The following ITGA2B variants were observed in gnomAD, a reference collection of about 807,000 sequenced individuals.
ITGA2B encodes integrin subunit alpha 2b, also known as integrin alpha-IIb.
Under a neutral mutation model 142.0 loss-of-function variants are expected in ITGA2B, and 91 were observed. The observed-to-expected ratio is 0.64, with a 90% CI of 0.54 to 0.76. The LOEUF is 0.76. Among genes scored for constraint, ITGA2B ranks in the 30% least tolerant of loss-of-function variants. The pLI is 0.00. For synonymous variants in ITGA2B, 536 were observed against 567.2 expected (o/e 0.94, Z 0.78); for missense variants, 1,231 against 1,350.8 (o/e 0.91, Z 1.39).
In ITGA2B at chr17:44,383,661, G is replaced by A. The variant is rs1567904190; in HGVS notation, c.1042C>T (p.Arg348Trp). 7 of 1,594,270 alleles carry A rather than the reference G, an allele frequency of 4.4e-6. No homozygotes were observed. In the South Asian group the frequency reaches 4.5e-5, roughly 10 times the overall value. ...LVGAPLYMES[R>W]ADRKLAEVGR... ...ACTTCGGCCAGTTTTCGGTCTGCCC[G>A]GCTCTCCATATACAGTGGAGCGCCC... Residue 348 changes from arginine (R) to tryptophan (W), a missense_variant, in exon 12 of 30, where the codon CGG becomes TGG. By Grantham distance (101) the Arg-to-Trp change is moderately radical. Around this residue, in one of 3 missense-constraint regions of ITGA2B, gnomAD observed 908 missense variants for 1,021.1 expected, o/e 0.89. Coordinates refer to ENST00000262407, the MANE Select transcript of ITGA2B (RefSeq NM_000419.5).
At position 44,375,707 on chromosome 17, in the gene ITGA2B, C is replaced by T; in HGVS notation, c.2611G>A (p.Gly871Arg). 1 of 1,583,698 alleles carries T rather than the reference C, an allele frequency of 6.3e-7. No individual in the cohort carries two copies. The highest frequency in any genetic ancestry group is 1.1e-5 in the South Asian group (1 of 87,518). The change falls in exon 26 of 30, where the codon GGG becomes AGG. Residue 871 changes from glycine (G) to arginine (R), a missense_variant. This residue lies in a region of ITGA2B where 908 missense variants were observed against 1,021.1 expected (regional missense o/e 0.89). Coordinates refer to ENST00000262407, the MANE Select transcript of ITGA2B (RefSeq NM_000419.5). ...GGGGAGGGGCTGGGGATGGGCAGCCCCCAGTCCACCTGGGGGGGCAAAGGA... is the reference window on the plus strand; with the variant it reads ...GGGGAGGGGCTGGGGATGGGCAGCCTCCAGTCCACCTGGGGGGGCAAAGGA... Reference protein sequence around the residue: ...PPVNPLKVDWGLPIPSPSPIH... With the variant: ...PPVNPLKVDWRLPIPSPSPIH...
intron 21 of ITGA2B, 62 bp from the exon 22 acceptor site, chr17:44,377,150 G>A: frequency 8.2e-7 from 1 of 1,221,628 alleles, no homozygotes; most frequent in Non-Finnish European, 1.2e-6. Context: ...GCCCTGCCCT[G>A]AATGTGGCCT....
At chr17:44,376,239 G>T in intron 23 of ITGA2B, 55 bp from the exon 24 acceptor site, 3 of 1,613,468 alleles carry the variant, frequency 1.9e-6, no homozygotes, top group Non-Finnish European at 2.5e-6. Flanking sequence ...GGCCTGTGAG[G>T]TTTCCCCAGC....
At chr17:44,375,756 G>GA in intron 25 of ITGA2B, 40 bp from the exon 26 acceptor site, 1 of 1,557,792 alleles carries the variant, frequency 6.4e-7, no homozygotes, top group Non-Finnish European at 8.7e-7. Context: ...GGTCTCCCCC[G>GA]AACCCCAGCC....
chr17:44,382,563 G>A (rs998410808), intron 12 of ITGA2B, among the ~76,000 whole-genome samples: 1 of 151,574 alleles, frequency 6.6e-6, no homozygotes, highest in Non-Finnish European at 1.5e-5. Context: ...AGGCTGGAGT[G>A]CAGTAGTGGC....
rs765917020 is a variant in ITGA2B at position 44,385,302 on chromosome 17, C to T, written c.608G>A (p.Ser203Asn). 2 of 1,612,920 alleles carry T rather than the reference C, an allele frequency of 1.2e-6. No homozygotes were observed. The highest frequency in any genetic ancestry group is 3.3e-5 in the Admixed American group (2 of 59,996). Residue 203 changes from serine to asparagine, a missense_variant, in exon 5 of 30, where the codon AGC (serine) becomes AAC (asparagine). Physicochemically the swap from Ser to Asn is conservative, Grantham distance 46. This residue lies in a region of ITGA2B where 318 missense variants were observed against 312.2 expected (regional missense o/e 1.02). Transcript: ENST00000262407. ...WDKRYCEAGF[S>N]SVVTQAGELV... ...CCTACTCGCCTGAGTGACCACGGAG[C>T]TGAAGCCCGCTTCACAGTAACGCTT...
Position 44,380,903 on chromosome 17 carries a change from C to G in ITGA2B, c.1369G>C (p.Asp457His). 2.5e-6 allele frequency: 4 copies of G among 1,614,228 alleles called. No individual in the cohort carries two copies. The highest frequency in any genetic ancestry group is 1.7e-5 in the Admixed American group (1 of 60,028). ...CCTGGGTATCCGTTGTCATCGATGT[C>G]TACGGCACCTCGAAGGGAGAAGCCA... is the stretch of plus-strand genomic sequence containing the variant. ...AFGFSLRGAV[D>H]IDDNGYPDLI... Residue 457 changes from aspartate to histidine, a missense_variant, in exon 13 of 30, where the codon GAC becomes CAC. By Grantham distance (81) the Asp-to-His change is moderately conservative (BLOSUM62 -1). Transcript: ENST00000262407.
At chr17:44,387,128 A>C in intron 1 of ITGA2B, among the ~76,000 whole-genome samples, 1 of 152,150 alleles carries the variant, frequency 6.6e-6, no homozygotes, top group East Asian at 1.9e-4. Context: ...TAGGAGGGGA[A>C]ATCAGCAGGA....
At chr17:44,379,341 C>T (rs898171078) in intron 18 of ITGA2B, among the ~76,000 whole-genome samples, 2 of 151,496 alleles carry the variant, frequency 1.3e-5, no homozygotes, top group African/African-American at 4.9e-5. Context: ...ACCTCTGCCT[C>T]CTGGGTTCAA....
At chr17:44,388,132 G>A (rs1450707857) in intron 1 of ITGA2B, among the ~76,000 whole-genome samples, 1 of 152,064 alleles carries the variant, frequency 6.6e-6, no homozygotes, top group Non-Finnish European at 1.5e-5. Context: ...GTAGCTCAGG[G>A]TACACGCTAT....
In ITGA2B at chr17:44,375,178, A is replaced by G; in HGVS notation, c.2728-67T>C. The G allele has an allele frequency of 3.1e-6, 4 of 1,303,330 alleles. No homozygotes were observed. The South Asian group carries it at 5.0e-5, about 16-fold the overall frequency. 80.7% of individuals were successfully genotyped at this position (1,303,330 alleles called of 1,614,324 possible). On this transcript the variant is annotated intron_variant, in intron 26 of 29. Coordinates refer to ENST00000262407, the MANE Select transcript of ITGA2B (RefSeq NM_000419.5). ...TCACCCCATCATCCCCCACCCCCTTACCCCCAGGACCCAACGCAGAAGGGG... is the reference window on the plus strand; with the variant it reads ...TCACCCCATCATCCCCCACCCCCTTGCCCCCAGGACCCAACGCAGAAGGGG...
chr17:44,386,108 G>T lies in ITGA2B; in HGVS notation c.212C>A (p.Pro71Gln). The T allele has an allele frequency of 6.2e-7, 1 of 1,604,266 alleles. No individual in the cohort carries two copies. Reference sequence around the variant, plus strand: ...CTCCTGGCTGGGGCCCAGGGTCCGCGGGGCGCCCACCACGATGGCCACTCT... The same window carrying T: ...CTCCTGGCTGGGGCCCAGGGTCCGCTGGGCGCCCACCACGATGGCCACTCT... ...HGRVAIVVGAPRTLGPSQEET... is the reference protein window; with the variant it reads ...HGRVAIVVGAQRTLGPSQEET... The change falls in exon 2 of 30, where the codon CCG becomes CAG. Residue 71 changes from proline to glutamine, a missense_variant. By Grantham distance (76) the Pro-to-Gln change is moderately conservative (BLOSUM62 -1). This residue lies in a region of ITGA2B where 318 missense variants were observed against 312.2 expected (regional missense o/e 1.02). Coordinates refer to ENST00000262407, the MANE Select transcript of ITGA2B (RefSeq NM_000419.5).
In ITGA2B at chr17:44,375,872, G is replaced by GC. The variant is rs1567898633; in HGVS notation, c.2561dup (p.Leu855ProfsTer68). On this transcript the variant is annotated frameshift_variant, in exon 25 of 30. Coordinates refer to ENST00000262407, the MANE Select transcript of ITGA2B (RefSeq NM_000419.5). LOFTEE classifies it high-confidence loss of function. Reference sequence around the variant, plus strand: ...CAGGAGGCTGTGGGAAGCACTGAAGGCCCCCCTGGGGCTGTATATCCAGGA... The same window carrying GC: ...CAGGAGGCTGTGGGAAGCACTGAAGGCCCCCCCTGGGGCTGTATATCCAGGA... 8.1e-6 allele frequency: 13 copies of GC among 1,601,654 alleles called. No homozygotes were observed. Among genetic ancestry groups the GC allele is most frequent in the South Asian group, 2.2e-5 (2 of 89,058 alleles).
intron 1 of ITGA2B, among the ~76,000 whole-genome samples, chr17:44,388,321 A>G (rs1490155762): frequency 6.7e-6 from 1 of 150,148 alleles, no homozygotes; most frequent in Admixed American, 6.6e-5. Context: ...AAATCAATTT[A>G]GGACATGTGC....
rs753533964 is a variant in ITGA2B, at chr17:44,378,382, G to C, written c.2074C>G (p.Arg692Gly). 1.9e-6 allele frequency: 3 copies of C among 1,612,698 alleles called. No individual in the cohort carries two copies. The highest frequency in any genetic ancestry group is 2.2e-5 in the South Asian group (2 of 90,878). ...VHLPQGAHYM[R>G]ALSNVEGFER... The stretch of plus-strand genomic sequence containing the variant: ...CATACCTCGACATTGCTTAGGGCCC[G>C]CATGTAGTGGGCGCCCTGGGGCAGG... Residue 692 changes from arginine (R) to glycine (G), a missense_variant, in exon 20 of 30, where the codon CGG becomes GGG. This residue lies in a region of ITGA2B where 908 missense variants were observed against 1,021.1 expected (regional missense o/e 0.89). Transcript: ENST00000262407.
intron 28 of ITGA2B, 39 bp downstream of exon 28, chr17:44,374,620 C>T (rs747773236): frequency 1.1e-5 from 17 of 1,576,684 alleles, no homozygotes; most frequent in African/African-American, 8.1e-5. Flanking sequence ...GACAATGGGT[C>T]CTGCAGGACT....
chr17:44,375,342 T>C (rs921552973), intron 26 of ITGA2B: 1 of 630,322 alleles, frequency 1.6e-6, no homozygotes. Flanking sequence ...TGCTCAGATC[T>C]ATGATAACCT....
In ITGA2B at chr17:44,385,435, G is replaced by GGGCCCTGGGGCGA. The variant is rs1306707304; in HGVS notation, c.574+103_575-101dup. ...ACAGGGGCGGGGCCTTGAGTCGGCG[G>GGGCCCTGGGGCGA]GGCCCTGGGGCGAGGCCAGATCCAA... On this transcript the variant is annotated intron_variant, in intron 4 of 29. Coordinates refer to ENST00000262407, the MANE Select transcript of ITGA2B (RefSeq NM_000419.5). 4.0e-4 allele frequency: 615 copies of GGGCCCTGGGGCGA among 1,527,798 alleles called. 2 individuals are homozygous for GGGCCCTGGGGCGA. In the African/African-American group the frequency reaches 7.7e-3, roughly 19 times the overall value. The allele number at this position is 1,527,798 out of a possible 1,614,324, so 94.6% of individuals were successfully genotyped here.
chr17:44,385,375 G>A (rs1219548151), intron 4 of ITGA2B, 40 bp from the exon 5 acceptor site: 1 of 1,595,284 alleles, frequency 6.3e-7, no homozygotes, highest in South Asian at 1.1e-5. Flanking sequence ...CAGGGGTGAA[G>A]GGAGGCGCGC....
Sources: allele counts gnomAD v4.1 joint callset (sites outside exome capture counted in the v4.1 genomes callset), GRCh38; gene constraint gnomAD v4.1.1; regional missense constraint gnomAD v4.1.1; transcripts MANE v1.5; gene names NCBI Gene and HGNC (gene_info 2026-07-23, HGNC 2026-07-21).